Variants in CLUAP1 observed in about 807,000 individuals in gnomAD.
The protein encoded by CLUAP1 is clusterin-associated protein 1.
Under a neutral mutation model 55.0 loss-of-function variants are expected in CLUAP1, and 50 were observed. The ratio of observed to expected loss-of-function variants is 0.91; its 90% CI spans 0.72 to 1.15. CLUAP1 has a LOEUF of 1.15. Ranked by LOEUF, CLUAP1 falls within the 50% of genes most tolerant of loss-of-function variation. The pLI is 0.00. For synonymous variants in CLUAP1, 195 were observed against 175.4 expected, an observed-to-expected ratio of 1.11 and a Z score of -0.88; for missense variants, 530 against 507.6, an observed-to-expected ratio of 1.04 and a Z score of -0.42.
chr16:3,519,831 G>A, intron 6 of CLUAP1, 72 bp from the exon 7 acceptor site: 1 of 1,486,282 alleles, frequency 6.7e-7, no homozygotes, highest in Non-Finnish European at 9.0e-7. Context: ...CTGAAGAGTT[G>A]CAAAATTCTT....
chr16:3,525,654 T>G (rs933820672), intron 8 of CLUAP1, among the ~76,000 whole-genome samples: 7 of 152,094 alleles, frequency 4.6e-5, no homozygotes, highest in Non-Finnish European at 1.0e-4. Context: ...GCTTCAGACC[T>G]CTTGGGCTCA....
At chr16:3,509,692 G>T (rs929083878) in intron 4 of CLUAP1, among the ~76,000 whole-genome samples, 7 of 152,242 alleles carry the variant, frequency 4.6e-5, no homozygotes, top group Non-Finnish European at 1.0e-4. Context: ...GGCCACGCAG[G>T]GTACGTGAAA....
At chr16:3,514,669 G>C (rs917994947) in intron 5 of CLUAP1, among the ~76,000 whole-genome samples, 3 of 152,250 alleles carry the variant, frequency 2.0e-5, no homozygotes, top group African/African-American at 7.2e-5. Context: ...AGCAGCTTCA[G>C]TGTCTGGCGA....
chr16:3,504,988 A>T (rs893395124), intron 2 of CLUAP1, among the ~76,000 whole-genome samples, 157 bp downstream of exon 2: 1 of 152,224 alleles, frequency 6.6e-6, no homozygotes, highest in Admixed American at 6.5e-5. Context: ...GTGGCTGGGC[A>T]CAGTGGCTCA....
chr16:3,526,273 A>T, intron 8 of CLUAP1, 139 bp from the exon 9 acceptor site: 2 of 407,004 alleles, frequency 4.9e-6, no homozygotes, highest in Non-Finnish European at 8.5e-6. Context: ...AGGCAGTGTT[A>T]ATTCTCTTCC....
intron 7 of CLUAP1, among the ~76,000 whole-genome samples, chr16:3,520,285 T>C (rs2037809131): frequency 6.6e-6 from 1 of 151,834 alleles, no homozygotes; most frequent in Admixed American, 6.6e-5. Context: ...GGCGGGAGGA[T>C]TGCTTGAGCC....
chr16:3,529,451 T>TTATATATAATATATATTATATTATA (rs1567439230), intron 9 of CLUAP1, among the ~76,000 whole-genome samples: 1,701 of 56,996 alleles, frequency 0.03, 67 homozygotes, highest in South Asian at 0.1. Context: ...ATATTATATA[T>TTATATATAATATATATTATATTATA]TATTATATAT....
chr16:3,532,951 C>T (rs1468863185), intron 11 of CLUAP1, 110 bp downstream of exon 11: 1 of 1,427,002 alleles, frequency 7.0e-7, no homozygotes, highest in South Asian at 1.2e-5. Context: ...TATGGTCAGC[C>T]CGGCCGTGCC....
chr16:3,500,889 C>T (rs1224847569), upstream of CLUAP1: 14 of 660,836 alleles, frequency 2.1e-5, no homozygotes, highest in Non-Finnish European at 3.6e-5. Context: ...GCGCTCTCTG[C>T]CGGCCCGCTC....
Position 3,531,517 on chromosome 16 carries a change from G to A in CLUAP1, c.1036+842G>A, listed in dbSNP as rs1479849192. Among the ~76,000 whole-genome samples, 25 of 149,606 alleles carry A rather than the reference G, an allele frequency of 1.7e-4. No homozygotes were observed. The East Asian group carries it at 3.6e-3, about 21-fold the overall frequency. On this transcript the variant is annotated intron_variant, in intron 10 of 11. Coordinates refer to ENST00000576634, the MANE Select transcript of CLUAP1 (RefSeq NM_015041.3). ...AGCCTGGGCGACAGAGTGAGACTCCGTCTCAAAAAAAAAAAAAGAGTTAAA... is the reference window on the plus strand; with the variant it reads ...AGCCTGGGCGACAGAGTGAGACTCCATCTCAAAAAAAAAAAAAGAGTTAAA...
chr16:3,514,830 CACAA>C (rs1329989091), intron 5 of CLUAP1, among the ~76,000 whole-genome samples: 1 of 152,204 alleles, frequency 6.6e-6, no homozygotes, highest in Non-Finnish European at 1.5e-5. Flanking sequence ...TTTGGGGTCA[CACAA>C]ACATTGTCTA....
At chr16:3,510,836 A>G (rs890381348) in intron 4 of CLUAP1, among the ~76,000 whole-genome samples, 2 of 152,252 alleles carry the variant, frequency 1.3e-5, no homozygotes, top group African/African-American at 4.8e-5. Flanking sequence ...GGTTCTGCAC[A>G]TGCTCCATTT....
chr16:3,522,154 C>T (rs1567434094), intron 7 of CLUAP1, among the ~76,000 whole-genome samples: 1 of 151,658 alleles, frequency 6.6e-6, no homozygotes, highest in African/African-American at 2.4e-5. Flanking sequence ...GACAGTAGAA[C>T]ATTATTATTA....
At chr16:3,510,061 C>G (rs1193079114) in intron 4 of CLUAP1, 2 of 150,402 alleles carry the variant, frequency 1.3e-5, no homozygotes, top group Non-Finnish European at 2.9e-5. Flanking sequence ...ATGGCACAAT[C>G]TCAGCTCACT....
chr16:3,535,162 C>T lies in CLUAP1; in HGVS notation c.1093-960C>T, dbSNP rs1234131335. 5 of 152,646 alleles carry T rather than the reference C, an allele frequency of 3.3e-5. No homozygotes were observed. The East Asian group carries it at 9.7e-4, about 30-fold the overall frequency. 9.5% of individuals were successfully genotyped at this position (152,646 alleles called of 1,614,324 possible). A position where few individuals can be genotyped will look rare whatever the true frequency, so the allele number is the denominator to read the frequency against. On this transcript the variant is annotated intron_variant, in intron 11 of 11. Coordinates refer to ENST00000576634, the MANE Select transcript of CLUAP1 (RefSeq NM_015041.3). ...AGGATGAAGGGGTGATTCCACAGCT[C>T]AAGCAGGATGAGGCCTGAGAATCGA...
chr16:3,503,543 C>T (rs1487534450), intron 1 of CLUAP1, among the ~76,000 whole-genome samples: 2 of 152,040 alleles, frequency 1.3e-5, no homozygotes, highest in African/African-American at 4.8e-5. Context: ...GTGATCTACC[C>T]TCCTCGGCTC....
At chr16:3,496,636 G>T, upstream of CLUAP1, 1 of 533,296 alleles carries the variant, frequency 1.9e-6, no homozygotes. Context: ...GTCTTCGCAA[G>T]GGCCGACAGG....
intron 8 of CLUAP1, among the ~76,000 whole-genome samples, chr16:3,523,566 G>A (rs370060706): frequency 6.6e-6 from 1 of 152,200 alleles, no homozygotes; most frequent in African/African-American, 2.4e-5. Flanking sequence ...GTGTGGCTGC[G>A]TAAGACCCTG....
intron 4 of CLUAP1, among the ~76,000 whole-genome samples, chr16:3,509,074 T>C (rs2037565849): frequency 6.6e-6 from 1 of 151,710 alleles, no homozygotes; most frequent in Admixed American, 6.6e-5. Context: ...CTGGGCAACA[T>C]AGTGAGACGC....
Sources: gnomAD v4.1 joint callset for allele counts (sites outside exome capture counted in the v4.1 genomes callset) on GRCh38, gnomAD v4.1.1 for gene constraint, MANE v1.5 for transcripts, NCBI Gene and HGNC (gene_info 2026-07-23, HGNC 2026-07-21) for gene names.